Variants in DCC observed in about 807,000 individuals in gnomAD.
The protein encoded by DCC is DCC netrin 1 receptor, also known as netrin receptor DCC.
DCC carries 58 observed loss-of-function variants against 172.5 expected under a neutral mutation model. That is an observed-to-expected ratio of 0.34 (90% CI 0.27 to 0.42). The LOEUF (loss-of-function observed/expected upper bound fraction) is 0.42. Among genes scored for constraint, DCC ranks in the 10% least tolerant of loss-of-function variants. DCC has a pLI of 1.00. For synonymous variants in DCC, 709 were observed against 644.5 expected, an observed-to-expected ratio of 1.10 and a Z score of -1.52; for missense variants, 1,740 against 1,791.0, an observed-to-expected ratio of 0.97 and a Z score of 0.51.
At chr18:52,479,523 C>G (rs766710179) in intron 1 of DCC, among the ~76,000 whole-genome samples, 10 of 151,282 alleles carry the variant, frequency 6.6e-5, no homozygotes, top group Admixed American at 2.6e-4. Flanking sequence ...CCTGGCTCCC[C>G]CTCCTCATCT....
intron 27 of DCC, among the ~76,000 whole-genome samples, chr18:53,519,125 G>A (rs2046371470): frequency 6.6e-6 from 1 of 152,012 alleles, no homozygotes; most frequent in African/African-American, 2.4e-5. Flanking sequence ...GTTAAGTACA[G>A]GTAGAATAGC....
intron 3 of DCC, among the ~76,000 whole-genome samples, chr18:52,921,437 G>A (rs567379528): frequency 4.9e-4 from 75 of 152,134 alleles, no homozygotes; most frequent in South Asian, 1.5e-3. Flanking sequence ...GGTGGCTCAC[G>A]CCTGTAATCC....
chr18:53,487,603 T>G (rs1234740056), intron 26 of DCC, among the ~76,000 whole-genome samples: 1 of 150,422 alleles, frequency 6.6e-6, no homozygotes, highest in Non-Finnish European at 1.5e-5. Flanking sequence ...AACAGGTGAC[T>G]CAGCAGCTCA....
intron 12 of DCC, among the ~76,000 whole-genome samples, chr18:53,267,149 T>TATATATAG (rs1285422820): frequency 6.9e-6 from 1 of 144,704 alleles, no homozygotes; most frequent in East Asian, 2.0e-4. Context: ...TATATATATA[T>TATATATAG]AGAGAGAGAG....
chr18:53,244,859 G>A (rs557187320), intron 12 of DCC, among the ~76,000 whole-genome samples: 1 of 152,158 alleles, frequency 6.6e-6, no homozygotes, highest in African/African-American at 2.4e-5. Flanking sequence ...CTGTCTATGA[G>A]ATACCCAAAT....
chr18:53,385,448 C>T (rs1908094404), intron 15 of DCC, among the ~76,000 whole-genome samples: 1 of 152,138 alleles, frequency 6.6e-6, no homozygotes, highest in Non-Finnish European at 1.5e-5. Context: ...CTTCTTCTCC[C>T]CTACTTTTAA....
In DCC at chr18:52,535,806, A is replaced by G. The variant is rs80150562; in HGVS notation, c.91+194928A>G. Reference sequence around the variant, plus strand: ...AACACCCATTTGCTTAGCACTCATTAAGCAGTGGGAAAACATAGATCTCTG... The same window carrying G: ...AACACCCATTTGCTTAGCACTCATTGAGCAGTGGGAAAACATAGATCTCTG... On this transcript the variant is annotated intron_variant, in intron 1 of 28. Transcript: ENST00000442544. Among the ~76,000 whole-genome samples, 734 of 152,314 alleles carry G rather than the reference A, an allele frequency of 4.8e-3. 7 individuals are homozygous for G. The highest frequency in any genetic ancestry group is 0.012 in the Admixed American group (189 of 15,288).
chr18:52,666,380 G>T (rs1025871363), intron 1 of DCC, among the ~76,000 whole-genome samples: 1 of 152,144 alleles, frequency 6.6e-6, no homozygotes, highest in African/African-American at 2.4e-5. Flanking sequence ...AACCTACTAT[G>T]TACTTAAGGG....
intron 2 of DCC, among the ~76,000 whole-genome samples, chr18:52,866,174 G>T (rs533030035): frequency 6.6e-6 from 1 of 152,066 alleles, no homozygotes; most frequent in Non-Finnish European, 1.5e-5. Flanking sequence ...GCTTGTTTTC[G>T]TTAGGTTTCT....
At chr18:52,652,765 G>C (rs997044462) in intron 1 of DCC, among the ~76,000 whole-genome samples, 12 of 148,024 alleles carry the variant, frequency 8.1e-5, no homozygotes, top group Non-Finnish European at 1.5e-4. Context: ...GGTTTGATTA[G>C]AGGATGGAGT....
At position 53,491,587 on chromosome 18, in the gene DCC, G is replaced by GTGTT. The variant is rs1488107634; in HGVS notation, c.3898+4632_3898+4635dup. ...TCCCACTTATGAGTGAGAACATGTG[G>GTGTT]TGTTTGGTTTTCTGTTCTTGTGTTA... On this transcript the variant is annotated intron_variant, in intron 26 of 28. Transcript: ENST00000442544. Among the ~76,000 whole-genome samples, 10 of 152,200 alleles carry GTGTT rather than the reference G, an allele frequency of 6.6e-5. No individual in the cohort carries two copies. In the East Asian group the frequency reaches 7.7e-4, roughly 12 times the overall value.
intron 1 of DCC, among the ~76,000 whole-genome samples, chr18:52,406,428 C>G (rs1411593433): frequency 6.6e-6 from 1 of 151,950 alleles, no homozygotes; most frequent in African/African-American, 2.4e-5. Flanking sequence ...ACTCATCTGA[C>G]AAAGGGCTAA....
chr18:52,367,214 G>A (rs1460649959), intron 1 of DCC, among the ~76,000 whole-genome samples: 1 of 152,178 alleles, frequency 6.6e-6, no homozygotes, highest in South Asian at 2.1e-4. Context: ...GGCCCGCCAA[G>A]CCCACGCCCA....
chr18:52,682,545 C>A (rs2035765609), intron 1 of DCC, among the ~76,000 whole-genome samples: 1 of 152,020 alleles, frequency 6.6e-6, no homozygotes, highest in African/African-American at 2.4e-5. Flanking sequence ...GGAACTAGAT[C>A]ATGCAGAGCA....
At chr18:52,971,089 A>G (rs2041022686) in intron 5 of DCC, among the ~76,000 whole-genome samples, 1 of 152,206 alleles carries the variant, frequency 6.6e-6, no homozygotes, top group South Asian at 2.1e-4. Context: ...TAGAAAAAAC[A>G]TTCTGACTCT....
At chr18:53,429,346 G>T (rs560231685) in intron 21 of DCC, among the ~76,000 whole-genome samples, 85 of 94,932 alleles carry the variant, frequency 9.0e-4, no homozygotes, top group Non-Finnish European at 1.8e-3. Flanking sequence ...CAGAAATTAG[G>T]ATAAGAAATT....
At chr18:52,450,420 G>A (rs1418137842) in intron 1 of DCC, among the ~76,000 whole-genome samples, 2 of 152,174 alleles carry the variant, frequency 1.3e-5, no homozygotes, top group Non-Finnish European at 2.9e-5. Flanking sequence ...AACCATCCAT[G>A]TAGTTTGTTC....
rs540876704 is a variant in DCC, at chr18:53,064,782, G to A, written c.1141-1264G>A. On this transcript the variant is annotated intron_variant, in intron 6 of 28. Coordinates refer to ENST00000442544, the MANE Select transcript of DCC (RefSeq NM_005215.4). ...GTGATCCATTATTTCCTTTAAAGGC[G>A]ATGTTATTTCCACTACCACTGAATT... Among the ~76,000 whole-genome samples, 358 of 152,172 alleles carry A rather than the reference G, an allele frequency of 2.4e-3. 1 individual carries two copies. The highest frequency in any genetic ancestry group is 7.4e-3 in the African/African-American group (309 of 41,530).
intron 7 of DCC, among the ~76,000 whole-genome samples, chr18:53,138,777 G>C (rs537067913): frequency 6.6e-6 from 1 of 152,240 alleles, no homozygotes; most frequent in East Asian, 1.9e-4. Context: ...GCAGAATAAA[G>C]CTGCTACTCT....
Sources: allele counts gnomAD v4.1 joint callset (sites outside exome capture counted in the v4.1 genomes callset), GRCh38; gene constraint gnomAD v4.1.1; transcripts MANE v1.5; gene names NCBI Gene and HGNC (gene_info 2026-07-23, HGNC 2026-07-21).